TBC1D5: variants seen among roughly 807,000 people sequenced by gnomAD.
The protein encoded by TBC1D5 is TBC1 domain family, member 5.
TBC1D5 carries 75 observed loss-of-function variants against 100.3 expected under a neutral mutation model. The ratio of observed to expected loss-of-function variants is 0.75; its 90% CI spans 0.62 to 0.91. TBC1D5 has a LOEUF of 0.91. Among genes scored for constraint, TBC1D5 ranks in the 40% least tolerant of loss-of-function variants. The probability of loss-of-function intolerance (pLI) is 0.00; values close to 1 mark genes in which losing one functional copy is unlikely to be tolerated. For missense variants in TBC1D5, 910 were observed against 942.4 expected, an observed-to-expected ratio of 0.97 and a Z score of 0.45; for synonymous variants, 323 against 325.6, an observed-to-expected ratio of 0.99 and a Z score of 0.09.
At chr3:17,646,588 T>A (rs566155713) in intron 1 of TBC1D5, among the ~76,000 whole-genome samples, 2 of 152,262 alleles carry the variant, frequency 1.3e-5, no homozygotes, top group African/African-American at 4.8e-5. Context: ...TTTCCATTTT[T>A]ACATCAATAA....
At chr3:17,309,131 G>T (rs111301966) in intron 13 of TBC1D5, among the ~76,000 whole-genome samples, 1 of 151,922 alleles carries the variant, frequency 6.6e-6, no homozygotes, top group Non-Finnish European at 1.5e-5. Flanking sequence ...TTAGTTAAGA[G>T]ATGTTAATTT....
chr3:17,183,421 G>A (rs1418410736), intron 19 of TBC1D5, among the ~76,000 whole-genome samples: 2 of 152,170 alleles, frequency 1.3e-5, no homozygotes, highest in Non-Finnish European at 2.9e-5. Flanking sequence ...AGTGGTAAGC[G>A]ACCGAACTGG....
chr3:17,545,187 G>C (rs1411654584), intron 2 of TBC1D5, among the ~76,000 whole-genome samples: 1 of 152,026 alleles, frequency 6.6e-6, no homozygotes, highest in Non-Finnish European at 1.5e-5. Flanking sequence ...ACTTTATTTA[G>C]AGATAGGGCC....
At chr3:17,586,882 G>A (rs550781706) in intron 2 of TBC1D5, among the ~76,000 whole-genome samples, 1 of 152,032 alleles carries the variant, frequency 6.6e-6, no homozygotes, top group East Asian at 1.9e-4. Flanking sequence ...GCACTGAAAT[G>A]ACATAAAAGT....
intron 3 of TBC1D5, among the ~76,000 whole-genome samples, chr3:17,490,762 T>C (rs1448930138): frequency 6.6e-6 from 1 of 152,226 alleles, no homozygotes; most frequent in Non-Finnish European, 1.5e-5. Context: ...CCTCTAGCAT[T>C]GTTCTTTTTG....
intron 14 of TBC1D5, among the ~76,000 whole-genome samples, chr3:17,298,665 T>A (rs555142118): frequency 5.0e-4 from 76 of 152,256 alleles, no homozygotes; most frequent in Non-Finnish European, 1.0e-3. Context: ...CAATCTGTAT[T>A]GTATCTAGAA....
chr3:17,332,065 G>A (rs760683793), intron 13 of TBC1D5, among the ~76,000 whole-genome samples: 52 of 152,318 alleles, frequency 3.4e-4, no homozygotes, highest in Admixed American at 5.9e-4. Context: ...TTTTGCTGCT[G>A]TGTGGAGAAC....
At position 17,311,664 on chromosome 3, in the gene TBC1D5, A is replaced by G. The variant is rs143094239; in HGVS notation, c.996-3530T>C. On this transcript the variant is annotated intron_variant, in intron 13 of 21. Coordinates refer to ENST00000253692, the Ensembl canonical transcript of TBC1D5. ...AACTTGGCTGTAGTGGGTTATATACAGAGAAACAAAATTAAATCCTAGGTC... is the reference window on the plus strand; with the variant it reads ...AACTTGGCTGTAGTGGGTTATATACGGAGAAACAAAATTAAATCCTAGGTC... 5.2e-3 allele frequency among the ~76,000 whole-genome samples: 796 copies of G among 152,226 alleles called. 3 individuals are homozygous for G. Among genetic ancestry groups the G allele is most frequent in the Middle Eastern group, 0.024 (7 of 294 alleles).
At chr3:17,314,074 A>C (rs2084371632) in intron 13 of TBC1D5, among the ~76,000 whole-genome samples, 1 of 152,134 alleles carries the variant, frequency 6.6e-6, no homozygotes, top group African/African-American at 2.4e-5. Context: ...TGATATTTGA[A>C]GGTTTCACAC....
intron 17 of TBC1D5, among the ~76,000 whole-genome samples, chr3:17,225,502 T>C (rs151027683): frequency 7.7e-6 from 1 of 129,606 alleles, no homozygotes; most frequent in Non-Finnish European, 1.7e-5. Flanking sequence ...ATAGTACAAA[T>C]AAAAATACAG....
At chr3:17,325,435 G>T (rs1485348658) in intron 13 of TBC1D5, among the ~76,000 whole-genome samples, 1 of 150,356 alleles carries the variant, frequency 6.7e-6, no homozygotes, top group Non-Finnish European at 1.5e-5. Flanking sequence ...CGATTCACCT[G>T]CCTCAGCCTG....
At chr3:17,310,522 A>G (rs188669857) in intron 13 of TBC1D5, among the ~76,000 whole-genome samples, 1 of 152,200 alleles carries the variant, frequency 6.6e-6, no homozygotes, top group East Asian at 1.9e-4. Context: ...AGAGATCCAG[A>G]AAGTTCTTTG....
chr3:17,395,357 C>T (rs1220831036), intron 8 of TBC1D5, among the ~76,000 whole-genome samples: 3 of 151,808 alleles, frequency 2.0e-5, no homozygotes, highest in East Asian at 1.9e-4. Context: ...CAGTGCCAGA[C>T]GAGACTGTGT....
chr3:17,461,668 ATG>A (rs890633757), intron 3 of TBC1D5, among the ~76,000 whole-genome samples: 13 of 122,942 alleles, frequency 1.1e-4, no homozygotes, highest in Non-Finnish European at 2.0e-4. Context: ...GTGAGTGTGT[ATG>A]TGTGTTGTTT....
chr3:17,383,539 ATTAT>A (rs1244169020), intron 9 of TBC1D5, among the ~76,000 whole-genome samples: 1 of 152,056 alleles, frequency 6.6e-6, no homozygotes, highest in Non-Finnish European at 1.5e-5. Flanking sequence ...AGGATACTTG[ATTAT>A]TTTTTACATG....
chr3:17,202,753 T>C (rs1440348508), intron 18 of TBC1D5, among the ~76,000 whole-genome samples: 6 of 152,182 alleles, frequency 3.9e-5, no homozygotes, highest in Admixed American at 2.0e-4. Flanking sequence ...CCCATAAACC[T>C]TGGCAGCTTT....
intron 14 of TBC1D5, among the ~76,000 whole-genome samples, chr3:17,300,543 T>C (rs527769410): frequency 6.6e-6 from 1 of 152,192 alleles, no homozygotes; most frequent in South Asian, 2.1e-4. Flanking sequence ...AGGAGTAATA[T>C]TTGAAATCAC....
intron 1 of TBC1D5, among the ~76,000 whole-genome samples, chr3:17,697,848 T>C (rs1201197791): frequency 6.6e-6 from 1 of 151,778 alleles, no homozygotes; most frequent in African/African-American, 2.4e-5. Context: ...CTACCTGACT[T>C]CAAAATACAC....
chr3:17,195,943 AGTGG>A (rs1482075341), intron 18 of TBC1D5, among the ~76,000 whole-genome samples: 15 of 152,246 alleles, frequency 9.9e-5, no homozygotes, highest in African/African-American at 3.4e-4. Flanking sequence ...TTTTTAAATA[AGTGG>A]TTGGTAAATG....
Sources: gnomAD v4.1 joint callset for allele counts (sites outside exome capture counted in the v4.1 genomes callset) on GRCh38, gnomAD v4.1.1 for gene constraint, MANE v1.5 for transcripts, NCBI Gene and HGNC (gene_info 2026-07-23, HGNC 2026-07-21) for gene names.